The following PCOLCE variants were observed in gnomAD, a reference collection of about 807,000 sequenced individuals.
The protein encoded by PCOLCE is procollagen C-endopeptidase enhancer, also known as procollagen C-endopeptidase enhancer 1.
A neutral mutation model predicts 47.2 loss-of-function variants in PCOLCE; 33 were observed. The ratio of observed to expected loss-of-function variants is 0.70; its 90% CI spans 0.53 to 0.93. The LOEUF is 0.93. Among genes scored for constraint, PCOLCE ranks in the 40% least tolerant of loss-of-function variants. PCOLCE has a pLI of 0.00. For missense variants in PCOLCE, 584 were observed against 585.3 expected (o/e 1.00, Z 0.02); for synonymous variants, 254 against 252.5 (o/e 1.01, Z -0.06).
chr7:100,606,456 G>A lies in PCOLCE; in HGVS notation c.766G>A (p.Val256Ile), dbSNP rs749344726. 1.7e-5 allele frequency: 27 copies of A among 1,613,898 alleles called. No individual in the cohort carries two copies. The highest frequency in any genetic ancestry group is 2.0e-5 in the Non-Finnish European group (24 of 1,179,922). Residue 256 changes from valine (V) to isoleucine (I), a missense_variant, in exon 6 of 9, where the codon GTC becomes ATC. By Grantham distance (29) the Val-to-Ile change is conservative. Transcript: ENST00000223061. ...SEGNELLVQF[V>I]SDLSVTADGF... ...AGGGAATGAACTCCTCGTCCAGTTC[G>A]TCTCAGATCTCAGTGTCACCGCTGA...
At position 100,607,481 on chromosome 7, in the gene PCOLCE, C is replaced by T. The variant is rs757006823; in HGVS notation, c.970C>T (p.Arg324Trp). The part of the protein sequence containing the change: ...DAPTCPKQCR[R>W]TGTLQSNFCA... The stretch of plus-strand genomic sequence containing the variant: ...ACCCACCTGCCCAAAGCAGTGCCGC[C>T]GGACAGGCACCTTGCAGAGCAACTT... The change falls in exon 7 of 9, where the codon CGG becomes TGG. Residue 324 changes from arginine to tryptophan, a missense_variant. Physicochemically the swap from Arg to Trp is moderately radical, Grantham distance 101. Coordinates refer to ENST00000223061, the MANE Select transcript of PCOLCE (RefSeq NM_002593.4). 2.5e-5 allele frequency: 41 copies of T among 1,614,016 alleles called. No individual in the cohort carries two copies. The highest frequency in any genetic ancestry group is 8.3e-5 in the Admixed American group (5 of 60,000).
chr7:100,607,848 C>A (rs755896320), intron 8 of PCOLCE, 41 bp downstream of exon 8: 13 of 1,613,188 alleles, frequency 8.1e-6, no homozygotes, highest in South Asian at 4.4e-5. Context: ...TCAAGCTAAG[C>A]CACACAGAAA....
At chr7:100,603,244 G>T in intron 1 of PCOLCE, 186 bp from the exon 2 acceptor site, 1 of 465,832 alleles carries the variant, frequency 2.1e-6, no homozygotes, top group Non-Finnish European at 3.8e-6. Context: ...TTATCTTTGT[G>T]GGAGTCTGGG....
chr7:100,607,896 C>T, intron 8 of PCOLCE, 41 bp from the exon 9 acceptor site: 2 of 1,612,662 alleles, frequency 1.2e-6, no homozygotes, highest in Non-Finnish European at 1.7e-6. Flanking sequence ...GCTGACAGGT[C>T]TCAAGAATAA....
At chr7:100,603,106 G>T (rs746584613) in intron 1 of PCOLCE, 58 of 293,738 alleles carry the variant, frequency 2.0e-4, no homozygotes, top group Non-Finnish European at 3.0e-4. Flanking sequence ...CCTGTCCCTG[G>T]ACTGCCAGGC....
At chr7:100,607,916 A>G in intron 8 of PCOLCE, 21 bp from the exon 9 acceptor site, 1 of 1,613,462 alleles carries the variant, frequency 6.2e-7, no homozygotes, top group East Asian at 2.2e-5. Flanking sequence ...AGAGATCTCA[A>G]CCCCTCCCTC....
At chr7:100,603,383 C>T in intron 1 of PCOLCE, 47 bp from the exon 2 acceptor site, 1 of 938,570 alleles carries the variant, frequency 1.1e-6, no homozygotes, top group Non-Finnish European at 1.7e-6. Flanking sequence ...AGTGCTCCCC[C>T]GTCCCACCCG....
intron 1 of PCOLCE, chr7:100,602,807 C>G (rs894789569): frequency 5.5e-6 from 3 of 544,332 alleles, no homozygotes; most frequent in Admixed American, 6.7e-5. Flanking sequence ...AGATCCTTGA[C>G]CCCCCATAGA....
rs895304384 is a variant in PCOLCE at position 100,605,705 on chromosome 7, C to T, written c.618C>T (p.Asp206=). 1.3e-5 allele frequency: 20 copies of T among 1,581,792 alleles called. No individual in the cohort carries two copies. In the Admixed American group the frequency reaches 1.8e-4, roughly 14 times the overall value. The change falls in exon 5 of 9, where the codon GAC becomes GAT. Residue 206 remains aspartate (D), a synonymous_variant. Coordinates refer to ENST00000223061, the MANE Select transcript of PCOLCE (RefSeq NM_002593.4). The surrounding 1 kb of genome is among the most constrained non-coding windows in gnomAD (Gnocchi z 6.1). ...QVIALTFEKF[D]LEPDTYCRYD... ...TCGCGCTGACCTTCGAGAAGTTTGA[C>T]CTGGAGCCGGACACCTACTGCCGCT... is the stretch of plus-strand genomic sequence containing the variant.
rs1305736344 is a variant in PCOLCE, at chr7:100,604,809, C to A, written c.464-282C>A. On this transcript the variant is annotated intron_variant, in intron 3 of 8. Transcript: ENST00000223061. This position sits in a 1 kb window ranked among gnomAD's most constrained non-coding sequence, Gnocchi z 6.4. ...ATCTCCTAGGGGAAGAGGCGCGGTG[C>A]GGCCGCGGGTCGGGGAGGGGCCAGA... 4.4e-6 allele frequency: 2 copies of A among 459,544 alleles called. No homozygotes were observed. The highest frequency in any genetic ancestry group is 7.9e-6 in the Non-Finnish European group (2 of 253,308). The allele number at this position is 459,544 out of a possible 1,614,324, so 28.5% of individuals were successfully genotyped here.
rs1456545056 is a variant in PCOLCE, at chr7:100,605,230, C to T, written c.588+15C>T. The T allele has an allele frequency of 6.2e-7, 1 of 1,606,228 alleles. No homozygotes were observed. The highest frequency in any genetic ancestry group is 2.2e-5 in the East Asian group (1 of 44,680). ...CCCCGGACCAGGTACCGACCCTCCT[C>T]CCCGGGCTGCCCTAGGGGACCCAGG... On this transcript the variant is annotated intron_variant, in intron 4 of 8. Coordinates refer to ENST00000223061, the MANE Select transcript of PCOLCE (RefSeq NM_002593.4). The surrounding 1 kb of genome is among the most constrained non-coding windows in gnomAD (Gnocchi z 6.1).
chr7:100,606,410 C>A lies in PCOLCE; in HGVS notation c.726-6C>A, dbSNP rs760247119. 28 of 1,611,584 alleles carry A rather than the reference C, an allele frequency of 1.7e-5. No individual in the cohort carries two copies. Among genetic ancestry groups the A allele is most frequent in the Non-Finnish European group, 2.4e-5 (28 of 1,178,028 alleles). On this transcript the variant is annotated splice_region_variant and splice_polypyrimidine_tract_variant and intron_variant, in intron 5 of 8. Coordinates refer to ENST00000223061, the MANE Select transcript of PCOLCE (RefSeq NM_002593.4). ...ACTTCCCCCAATGCTCGGTGGCCAC[C>A]TGCAGCTCCATCTCCTCCGAAGGGA...
chr7:100,604,325 G>C lies in PCOLCE; in HGVS notation c.463+108G>C. 1 of 1,008,326 alleles carries C rather than the reference G, an allele frequency of 9.9e-7. No homozygotes were observed. The highest frequency in any genetic ancestry group is 1.4e-6 in the Non-Finnish European group (1 of 706,124). 62.5% of individuals were successfully genotyped at this position (1,008,326 alleles called of 1,614,324 possible). On this transcript the variant is annotated intron_variant, in intron 3 of 8. Transcript: ENST00000223061. The surrounding 1 kb of genome is among the most constrained non-coding windows in gnomAD (Gnocchi z 6.4). ...CGCCCACCCCGCGCCCCAGTGCCTA[G>C]GGCCCCCTACCTCCCTGACCCATTT... is the stretch of plus-strand genomic sequence containing the variant.
chr7:100,604,031 G>A lies in PCOLCE; in HGVS notation c.277G>A (p.Asp93Asn). The part of the protein sequence containing the change: ...DLELHPACRY[D>N]ALEVFAGSGT... ...GGAGCTGCACCCCGCCTGCCGCTAC[G>A]ATGCTCTGGAGGTCTTCGCTGGGTC... The change falls in exon 3 of 9, where the codon GAT becomes AAT. Residue 93 changes from aspartate to asparagine, a missense_variant. Physicochemically the swap from Asp to Asn is conservative, Grantham distance 23. Transcript: ENST00000223061. This position sits in a 1 kb window ranked among gnomAD's most constrained non-coding sequence, Gnocchi z 6.4. 6.2e-7 allele frequency: 1 copy of A among 1,606,966 alleles called. No individual in the cohort carries two copies. Among genetic ancestry groups the A allele is most frequent in the Non-Finnish European group, 8.5e-7 (1 of 1,179,980 alleles).
chr7:100,603,607 A>ACCCCCCCCCCCTCC, intron 2 of PCOLCE, 69 bp downstream of exon 2: 2 of 543,272 alleles, frequency 3.7e-6, no homozygotes, highest in Non-Finnish European at 3.2e-6. Context: ...CTGCGAAGGG[A>ACCCCCCCCCCCTCC]CCCCCCCCCC....
intron 5 of PCOLCE, 96 bp from the exon 6 acceptor site, chr7:100,606,320 C>A (rs1033152535): frequency 4.9e-6 from 4 of 810,756 alleles, no homozygotes; most frequent in Non-Finnish European, 6.0e-6. Context: ...CAAAGTGAGA[C>A]CCTGTCTCAA....
In PCOLCE at chr7:100,608,129, C is replaced by T. The variant is rs1802749882; in HGVS notation, c.*26C>T. The stretch of plus-strand genomic sequence containing the variant: ...GACGCAGGCCAGCCCCGGCCCCTAG[C>T]CCTCAGGCCTTCTTTCTTATCCAAA... On this transcript the variant is annotated 3_prime_UTR_variant, in exon 9 of 9. Coordinates refer to ENST00000223061, the MANE Select transcript of PCOLCE (RefSeq NM_002593.4). 1 of 1,596,396 alleles carries T rather than the reference C, an allele frequency of 6.3e-7. No individual in the cohort carries two copies. The highest frequency in any genetic ancestry group is 1.3e-5 in the African/African-American group (1 of 74,168).
chr7:100,605,518 T>G lies in PCOLCE; in HGVS notation c.589-158T>G. 1.2e-6 allele frequency: 1 copy of G among 858,006 alleles called. No homozygotes were observed. The allele number at this position is 858,006 out of a possible 1,614,324, so 53.1% of individuals were successfully genotyped here. A position where few individuals can be genotyped will look rare whatever the true frequency, so the allele number is the denominator to read the frequency against. ...ACACCCCTGCAGGGTCCCATGGGTG[T>G]GTGTGGTCCTCCGTGCTGTGGTGTG... On this transcript the variant is annotated intron_variant, in intron 4 of 8. Transcript: ENST00000223061. The surrounding 1 kb of genome is among the most constrained non-coding windows in gnomAD (Gnocchi z 6.1).
chr7:100,605,273 C>T lies in PCOLCE; in HGVS notation c.588+58C>T. On this transcript the variant is annotated intron_variant, in intron 4 of 8. Transcript: ENST00000223061. This position sits in a 1 kb window ranked among gnomAD's most constrained non-coding sequence, Gnocchi z 6.1. ...GACCCAGGCGGCGCCCTCCAGCTTG[C>T]AGCCAGCAGAGATTTATTGAAGATC... 5 of 1,540,392 alleles carry T rather than the reference C, an allele frequency of 3.2e-6. No individual in the cohort carries two copies. The highest frequency in any genetic ancestry group is 4.4e-6 in the Non-Finnish European group (5 of 1,129,948).
Sources: gnomAD v4.1 joint callset for allele counts on GRCh38, gnomAD v4.1.1 for gene constraint, Gnocchi (gnomAD v3.1) non-coding constraint, MANE v1.5 for transcripts, NCBI Gene and HGNC (gene_info 2026-07-23, HGNC 2026-07-21) for gene names.